The following USH2A variants were observed in gnomAD, a reference collection of about 807,000 sequenced individuals.
USH2A encodes the protein usherin, also known as Usher syndrome 2A (autosomal recessive, mild).
In USH2A, 443 loss-of-function variants were observed where a neutral mutation model predicts 538.9. The ratio of observed to expected loss-of-function variants is 0.82; its 90% CI spans 0.76 to 0.89. The LOEUF is 0.89. Among genes scored for constraint, USH2A ranks in the 40% least tolerant of loss-of-function variants. The pLI is 0.00. For synonymous variants in USH2A, 2,413 were observed against 2,273.5 expected (o/e 1.06, Z -1.75); for missense variants, 6,633 against 6,324.8 (o/e 1.05, Z -1.65).
intron 60 of USH2A, among the ~76,000 whole-genome samples, chr1:215,736,891 C>T: frequency 6.6e-6 from 1 of 151,958 alleles, no homozygotes; most frequent in East Asian, 1.9e-4. Flanking sequence ...TGGAAGACAA[C>T]TTAGGAATCC....
chr1:216,421,054 G>A (rs4396173), intron 2 of USH2A, among the ~76,000 whole-genome samples: 116,590 of 152,022 alleles, frequency 0.77, 45,191 homozygotes, highest in African/African-American at 0.87. Flanking sequence ...AAACTGTCCT[G>A]TATATTAAAA....
Position 215,998,953 on chromosome 1 carries a change from T to A in USH2A, c.6591A>T (p.Thr2197=), listed in dbSNP as rs767223343. 3.1e-6 allele frequency: 5 copies of A among 1,613,382 alleles called. No individual in the cohort carries two copies. The part of the protein sequence containing the change: ...FTIWSVIYNS[T]ELFQDHMLQY... ...GTAGCATATGATCCTGGAAAAGTTC[T>A]GTACTGTTATAGATGACACTCCAAA... Residue 2197 remains threonine, a synonymous_variant, in exon 34 of 72, where the codon ACA becomes ACT. Transcript: ENST00000307340.
chr1:216,141,709 C>T (rs1415503241), intron 21 of USH2A, among the ~76,000 whole-genome samples: 1 of 151,976 alleles, frequency 6.6e-6, no homozygotes, highest in Non-Finnish European at 1.5e-5. Flanking sequence ...TCTGGCATAC[C>T]ATGTTTCTAT....
rs563981138 is a variant in USH2A at position 215,845,966 on chromosome 1, G to A, written c.8913C>T (p.Asp2971=). ...TTACATCTGGCAAGATTTTTAGAGA[G>A]TCGTTTGAGGTAGCAGAACTCCAAA... The part of the protein sequence containing the change: ...TLFWSSATSN[D]SLKILPDVNS... The change falls in exon 45 of 72, where the codon GAC becomes GAT. Residue 2971 remains aspartate, a synonymous_variant. Coordinates refer to ENST00000307340, the MANE Select transcript of USH2A (RefSeq NM_206933.4). 1 of 1,613,842 alleles carries A rather than the reference G, an allele frequency of 6.2e-7. No individual in the cohort carries two copies. The highest frequency in any genetic ancestry group is 8.5e-7 in the Non-Finnish European group (1 of 1,179,934).
At chr1:216,176,078 A>G (rs2034376123) in intron 20 of USH2A, among the ~76,000 whole-genome samples, 1 of 152,230 alleles carries the variant, frequency 6.6e-6, no homozygotes, top group Admixed American at 6.5e-5. Context: ...TGGGTAATGA[A>G]GGAATATTAA....
chr1:216,307,958 A>T (rs2037348392), intron 9 of USH2A, among the ~76,000 whole-genome samples: 1 of 152,012 alleles, frequency 6.6e-6, no homozygotes, highest in African/African-American at 2.4e-5. Context: ...GCAGCAATCT[A>T]TTTCCTTCAA....
chr1:215,819,148 C>T (rs1184353502), intron 47 of USH2A, among the ~76,000 whole-genome samples: 1 of 151,756 alleles, frequency 6.6e-6, no homozygotes, highest in Non-Finnish European at 1.5e-5. Context: ...ATAAAGCAAG[C>T]ACATAAGAAC....
chr1:216,204,938 T>C (rs115310577), intron 16 of USH2A, among the ~76,000 whole-genome samples: 2,049 of 152,276 alleles, frequency 0.013, 21 homozygotes, highest in Non-Finnish European at 0.021. Flanking sequence ...CCTTGTTTAA[T>C]AGGATTATAT....
chr1:216,300,874 G>A (rs572336639), intron 9 of USH2A, among the ~76,000 whole-genome samples: 6 of 150,286 alleles, frequency 4.0e-5, no homozygotes, highest in South Asian at 2.2e-4. Flanking sequence ...TCAGCCTCCC[G>A]AGTATCTGGT....
intron 30 of USH2A, among the ~76,000 whole-genome samples, chr1:216,054,202 C>T (rs927399373): frequency 6.6e-6 from 1 of 152,208 alleles, no homozygotes; most frequent in African/African-American, 2.4e-5. Flanking sequence ...TCGGCTATTT[C>T]TCTCACTATA....
At chr1:216,419,801 T>C (rs2039644863) in intron 2 of USH2A, among the ~76,000 whole-genome samples, 1 of 152,104 alleles carries the variant, frequency 6.6e-6, no homozygotes, top group Non-Finnish European at 1.5e-5. Flanking sequence ...GGTTTAAAGC[T>C]TTCCTTAAAG....
intron 9 of USH2A, among the ~76,000 whole-genome samples, chr1:216,305,571 C>T (rs1226089268): frequency 1.3e-5 from 2 of 150,240 alleles, no homozygotes; most frequent in Non-Finnish European, 3.0e-5. Context: ...TGCCTGAATG[C>T]TTTTTTTTAA....
intron 49 of USH2A, among the ~76,000 whole-genome samples, chr1:215,813,130 T>C (rs939392215): frequency 6.6e-6 from 1 of 152,204 alleles, no homozygotes; most frequent in African/African-American, 2.4e-5. Context: ...CATTCCCAAT[T>C]ATATTCACTA....
At chr1:216,395,842 G>A (rs1346452328) in intron 3 of USH2A, among the ~76,000 whole-genome samples, 1 of 152,184 alleles carries the variant, frequency 6.6e-6, no homozygotes, top group African/African-American at 2.4e-5. Context: ...TAATTATCCA[G>A]TCCAAAATGT....
At chr1:216,138,608 C>T (rs1319982077) in intron 21 of USH2A, among the ~76,000 whole-genome samples, 1 of 152,042 alleles carries the variant, frequency 6.6e-6, no homozygotes, top group Non-Finnish European at 1.5e-5. Context: ...TTTTATTGAC[C>T]TTTTTATTGA....
intron 21 of USH2A, among the ~76,000 whole-genome samples, chr1:216,161,733 G>T (rs1335526146): frequency 6.6e-6 from 1 of 151,888 alleles, no homozygotes; most frequent in Non-Finnish European, 1.5e-5. Context: ...CTTTTGTTAA[G>T]AAAAATATTT....
chr1:215,943,128 A>G (rs2102433640), intron 37 of USH2A, among the ~76,000 whole-genome samples: 1 of 152,316 alleles, frequency 6.6e-6, no homozygotes, highest in East Asian at 1.9e-4. Flanking sequence ...AAATCTGGAC[A>G]GAGCTGCCCA....
chr1:215,870,032 C>T (rs964587988), intron 43 of USH2A, among the ~76,000 whole-genome samples: 2 of 152,046 alleles, frequency 1.3e-5, no homozygotes, highest in African/African-American at 4.8e-5. Context: ...AAAGTGTGTG[C>T]TACATCATAC....
In USH2A at chr1:216,046,564, G is replaced by A; in HGVS notation, c.6192C>T (p.Ala2064=). The change falls in exon 32 of 72, where the codon GCC becomes GCT. Residue 2064 remains alanine (A), a synonymous_variant. Coordinates refer to ENST00000307340, the MANE Select transcript of USH2A (RefSeq NM_206933.4). The part of the protein sequence containing the change: ...EAPQEVQPPV[A]KSLPSSLLLS... ...GCAGCAAAGAACTGGGAAGGGATTT[G>A]GCTACTGGTGGCTGAACCTCTTGTG... 1 of 1,613,804 alleles carries A rather than the reference G, an allele frequency of 6.2e-7. No homozygotes were observed. The highest frequency in any genetic ancestry group is 8.5e-7 in the Non-Finnish European group (1 of 1,179,778).
Sources: gnomAD v4.1 joint callset for allele counts (sites outside exome capture counted in the v4.1 genomes callset) on GRCh38, gnomAD v4.1.1 for gene constraint, MANE v1.5 for transcripts, NCBI Gene and HGNC (gene_info 2026-07-23, HGNC 2026-07-21) for gene names.